Variants in PTPRD observed in about 807,000 individuals in gnomAD.
PTPRD encodes the protein receptor-type tyrosine-protein phosphatase delta.
Under a neutral mutation model 214.5 loss-of-function variants are expected in PTPRD, and 34 were observed. That is an observed-to-expected ratio of 0.16 (90% confidence interval 0.12 to 0.21). PTPRD has a LOEUF of 0.21. PTPRD is among the 10% of genes least tolerant of loss of function. The pLI, the probability that PTPRD is intolerant of heterozygous loss-of-function variation, is 1.00. For synonymous variants in PTPRD, 1,128 were observed against 845.7 expected (o/e 1.33, Z -5.79); for missense variants, 2,545 against 2,398.7 (o/e 1.06, Z -1.27).
chr9:10,330,175 G>A (rs1158230209), intron 3 of PTPRD, among the ~76,000 whole-genome samples: 1 of 151,630 alleles, frequency 6.6e-6, no homozygotes, highest in African/African-American at 2.4e-5. Flanking sequence ...ATTTTAACTG[G>A]GACTATGAGA....
intron 7 of PTPRD, among the ~76,000 whole-genome samples, chr9:9,623,384 TA>T (rs1465904981): frequency 6.6e-6 from 1 of 152,168 alleles, no homozygotes; most frequent in Admixed American, 6.5e-5. Flanking sequence ...TTTTCACTTT[TA>T]AAAACCCCTC....
chr9:8,995,573 C>T (rs370819244), intron 11 of PTPRD, among the ~76,000 whole-genome samples: 1 of 151,984 alleles, frequency 6.6e-6, no homozygotes, highest in African/African-American at 2.4e-5. Context: ...TCTCTACACC[C>T]TCTTGAATAA....
chr9:8,412,796 A>G (rs570118148), intron 35 of PTPRD, among the ~76,000 whole-genome samples: 1 of 152,308 alleles, frequency 6.6e-6, no homozygotes, highest in East Asian at 1.9e-4. Context: ...CTTACTATAT[A>G]ACATGCCCAT....
At chr9:8,886,296 T>C (rs1021020599) in intron 11 of PTPRD, among the ~76,000 whole-genome samples, 24 of 152,172 alleles carry the variant, frequency 1.6e-4, no homozygotes, top group Non-Finnish European at 1.5e-4. Flanking sequence ...TCACTAACTA[T>C]GTAATTGCCA....
intron 2 of PTPRD, among the ~76,000 whole-genome samples, chr9:10,454,227 G>A (rs1415817316): frequency 6.6e-6 from 1 of 151,138 alleles, no homozygotes; most frequent in Non-Finnish European, 1.5e-5. Context: ...AATTACAAAG[G>A]CCACATATTT....
intron 2 of PTPRD, among the ~76,000 whole-genome samples, chr9:10,593,227 A>C (rs2075918891): frequency 6.6e-6 from 1 of 152,000 alleles, no homozygotes; most frequent in Admixed American, 6.6e-5. Flanking sequence ...TTGTTAAATA[A>C]TGGCGATAAT....
At chr9:9,854,267 G>T (rs2061112066) in intron 5 of PTPRD, among the ~76,000 whole-genome samples, 1 of 152,222 alleles carries the variant, frequency 6.6e-6, no homozygotes, top group Middle Eastern at 3.4e-3. Flanking sequence ...TATGGCACAA[G>T]TTAAGCAACC....
chr9:8,760,175 C>G (rs2094321101), intron 11 of PTPRD, among the ~76,000 whole-genome samples: 1 of 152,128 alleles, frequency 6.6e-6, no homozygotes, highest in Non-Finnish European at 1.5e-5. Flanking sequence ...AGGTGATCCA[C>G]CCACTTCGGC....
At chr9:9,634,964 A>C (rs2095711095) in intron 7 of PTPRD, among the ~76,000 whole-genome samples, 1 of 152,190 alleles carries the variant, frequency 6.6e-6, no homozygotes, top group East Asian at 1.9e-4. Context: ...AAAAGATTTA[A>C]GATAAAATAA....
intron 3 of PTPRD, among the ~76,000 whole-genome samples, chr9:10,233,173 C>A (rs1005553567): frequency 1.3e-5 from 2 of 151,964 alleles, no homozygotes; most frequent in African/African-American, 2.4e-5. Flanking sequence ...TTGGTGCATT[C>A]ATTTGCATAT....
chr9:8,407,365 C>G (rs1157306972), intron 35 of PTPRD, among the ~76,000 whole-genome samples: 2 of 152,122 alleles, frequency 1.3e-5, no homozygotes, highest in African/African-American at 2.4e-5. Context: ...TTTAATTATT[C>G]TTACTGAGGG....
chr9:9,812,867 A>G (rs2047582669), intron 5 of PTPRD, among the ~76,000 whole-genome samples: 2 of 152,110 alleles, frequency 1.3e-5, no homozygotes, highest in East Asian at 3.9e-4. Flanking sequence ...TCTCCAGGGT[A>G]TATTGTGTTA....
intron 12 of PTPRD, among the ~76,000 whole-genome samples, chr9:8,724,407 T>TC (rs1270249483): frequency 6.6e-6 from 1 of 152,180 alleles, no homozygotes; most frequent in Non-Finnish European, 1.5e-5. Context: ...ATCACCCTGG[T>TC]CCCTTGTACC....
At position 10,022,434 on chromosome 9, in the gene PTPRD, A is replaced by G. The variant is rs556168210; in HGVS notation, c.-472+11284T>C. Among the ~76,000 whole-genome samples the G allele has an allele frequency of 1.3e-4, 20 of 150,936 alleles. 1 individual carries two copies. Among genetic ancestry groups the G allele is most frequent in the African/African-American group, 1.7e-4 (7 of 40,986 alleles). On this transcript the variant is annotated intron_variant, in intron 4 of 45. Transcript: ENST00000381196. ...AATGAATAAATGTTTGTTGAATGAA[A>G]GCAACAGAGAATCACTTTCCCTTTC...
intron 2 of PTPRD, among the ~76,000 whole-genome samples, chr9:10,538,917 A>C (rs1258030589): frequency 2.0e-5 from 3 of 152,160 alleles, no homozygotes; most frequent in Non-Finnish European, 1.5e-5. Context: ...TAAGGTGTTT[A>C]TAAATACTAA....
At chr9:10,091,199 T>C (rs2098425892) in intron 3 of PTPRD, among the ~76,000 whole-genome samples, 1 of 151,542 alleles carries the variant, frequency 6.6e-6, no homozygotes, top group Admixed American at 6.6e-5. Context: ...CAAGTACTAG[T>C]ATTAATTATG....
intron 14 of PTPRD, among the ~76,000 whole-genome samples, chr9:8,536,323 T>C (rs1041233547): frequency 6.6e-6 from 1 of 151,978 alleles, no homozygotes; most frequent in Admixed American, 6.6e-5. Context: ...TTAAATGGCA[T>C]GGACTAGATA....
At chr9:9,595,419 T>C (rs554199561) in intron 7 of PTPRD, among the ~76,000 whole-genome samples, 1 of 149,002 alleles carries the variant, frequency 6.7e-6, no homozygotes, top group African/African-American at 2.5e-5. Context: ...TATATACAAA[T>C]GTACACATAT....
intron 12 of PTPRD, among the ~76,000 whole-genome samples, chr9:8,648,838 A>T (rs927173627): frequency 6.6e-6 from 1 of 152,236 alleles, no homozygotes; most frequent in South Asian, 2.1e-4. Context: ...CCAATGCTTT[A>T]GCATCTTTTT....
Sources: allele counts gnomAD v4.1 joint callset (sites outside exome capture counted in the v4.1 genomes callset), GRCh38; gene constraint gnomAD v4.1.1; transcripts MANE v1.5; gene names NCBI Gene and HGNC (gene_info 2026-07-23, HGNC 2026-07-21).